The following ASPM variants were observed in gnomAD, a reference collection of about 807,000 sequenced individuals.
ASPM encodes abnormal spindle-like microcephaly-associated protein.
A neutral mutation model predicts 366.4 loss-of-function variants in ASPM; 256 were observed. That is an observed-to-expected ratio of 0.70 (90% confidence interval 0.63 to 0.77). The LOEUF is 0.77. ASPM is among the 30% of genes least tolerant of loss of function. The pLI, the probability that ASPM is intolerant of heterozygous loss-of-function variation, is 0.00. For synonymous variants in ASPM, 1,414 were observed against 1,342.9 expected, an observed-to-expected ratio of 1.05 and a Z score of -1.16; for missense variants, 4,146 against 4,090.4, an observed-to-expected ratio of 1.01 and a Z score of -0.37.
intron 4 of ASPM, chr1:197,138,663 AAT>A (rs1658490699): frequency 3.6e-6 from 2 of 552,212 alleles, no homozygotes. Flanking sequence ...TAAGAACTTC[AAT>A]CAGATTTAAA....
At position 197,132,347 on chromosome 1, in the gene ASPM, G is replaced by A. The variant is rs751289232; in HGVS notation, c.2425C>T (p.Arg809Cys). The A allele has an allele frequency of 1.9e-5, 30 of 1,612,860 alleles. No individual in the cohort carries two copies. The Admixed American group carries it at 2.0e-4, about 11-fold the overall frequency. ...AACAGCCAATTCAGGACTTTCTGAC[G>A]TTCTCCTGAAATGCATGTCAAAGGC... ...DRHLWKDVGE[R>C]QKVLNWLLSY... The change falls in exon 7 of 28, where the codon CGT becomes TGT. Residue 809 changes from arginine (R) to cysteine (C), a missense_variant. Arg to Cys is a radical substitution (Grantham distance 180, BLOSUM62 -3). Coordinates refer to ENST00000367409, the MANE Select transcript of ASPM (RefSeq NM_018136.5).
At position 197,124,311 on chromosome 1, in the gene ASPM, T is replaced by C. The variant is rs146858888; in HGVS notation, c.3189A>G (p.Leu1063=). 636 of 1,580,726 alleles carry C rather than the reference T, an allele frequency of 4.0e-4. 4 individuals are homozygous for C. The highest frequency in any genetic ancestry group is 4.1e-4 in the Non-Finnish European group (476 of 1,151,830). The change falls in exon 13 of 28, where the codon TTA becomes TTG. Residue 1063 remains leucine, a synonymous_variant. Coordinates refer to ENST00000367409, the MANE Select transcript of ASPM (RefSeq NM_018136.5). ...FAFQVDISLN[L]DQLKEEIAFL... is the part of the protein sequence containing the mutation. ...AGGCAATTTCTTCCTTTAATTGATC[T>C]AAGTTAAGGGAAATATCCACCTAAA... is the stretch of plus-strand genomic sequence containing the variant.
intron 27 of ASPM, among the ~76,000 whole-genome samples, chr1:197,086,408 T>G (rs912003683): frequency 6.6e-6 from 1 of 152,180 alleles, no homozygotes; most frequent in African/African-American, 2.4e-5. Context: ...AAGGAGAAAT[T>G]TCAAGAATCA....
intron 4 of ASPM, chr1:197,139,405 GC>G: frequency 1.8e-6 from 1 of 561,092 alleles, no homozygotes; most frequent in Non-Finnish European, 3.2e-6. Flanking sequence ...GACCACCCCG[GC>G]CAACACGGTG....
At position 197,084,399 on chromosome 1, in the gene ASPM, T is replaced by C. The variant is rs1346161560; in HGVS notation, c.10359A>G (p.Arg3453=). 1 of 1,611,558 alleles carries C rather than the reference T, an allele frequency of 6.2e-7. No homozygotes were observed. Among genetic ancestry groups the C allele is most frequent in the Admixed American group, 1.7e-5 (1 of 59,932 alleles). The change falls in exon 28 of 28, where the codon AGA becomes AGG. Residue 3453 remains arginine, a synonymous_variant. Transcript: ENST00000367409. ...GATTTGTGATTTCTTCCATGTTATC[T>C]CTTCTCAAAACCCAATCTGGCTTAA... ...SRLKPDWVLR[R]DNMEEITNPL...
In ASPM at chr1:197,121,960, T is replaced by G. The variant is rs587783237; in HGVS notation, c.3825A>C (p.Thr1275=). 5 of 1,611,898 alleles carry G rather than the reference T, an allele frequency of 3.1e-6. No homozygotes were observed. The South Asian group carries it at 3.3e-5, about 11-fold the overall frequency. The change falls in exon 16 of 28, where the codon ACA becomes ACC. Residue 1275 remains threonine (T), a synonymous_variant. Coordinates refer to ENST00000367409, the MANE Select transcript of ASPM (RefSeq NM_018136.5). ...TTTTTAGTTTATATTTTCTCCATGTTGTTTGTATGAGTCGAGCAGCTCTTA... is the reference window on the plus strand; with the variant it reads ...TTTTTAGTTTATATTTTCTCCATGTGGTTTGTATGAGTCGAGCAGCTCTTA... ...KEIRAARLIQ[T]TWRKYKLKTD...
intron 16 of ASPM, 80 bp from the exon 17 acceptor site, chr1:197,118,063 T>A: frequency 7.7e-7 from 1 of 1,295,824 alleles, no homozygotes; most frequent in Non-Finnish European, 1.1e-6. Context: ...AACCATATGT[T>A]AAACACCAAT....
In ASPM at chr1:197,101,670, A is replaced by G. The variant is rs1246876262; in HGVS notation, c.7581T>C (p.Tyr2527=). 1 of 1,612,274 alleles carries G rather than the reference A, an allele frequency of 6.2e-7. No homozygotes were observed. Among genetic ancestry groups the G allele is most frequent in the African/African-American group, 1.3e-5 (1 of 74,932 alleles). Residue 2527 remains tyrosine (Y), a synonymous_variant, in exon 18 of 28, where the codon TAT becomes TAC. Transcript: ENST00000367409. ...YRAAKLQREN[Y]IRQWHSAVVI... is the part of the protein sequence containing the mutation. The stretch of plus-strand genomic sequence containing the variant: ...CCACAGCAGAATGCCATTGTCTGAT[A>G]TAATTTTCTCTTTGTAATTTTGCAG...
Position 197,093,498 on chromosome 1 carries a change from C to T in ASPM, c.9085-237G>A, listed in dbSNP as rs536089009. Among the ~76,000 whole-genome samples, 3 of 151,842 alleles carry T rather than the reference C, an allele frequency of 2.0e-5. No homozygotes were observed. In the East Asian group the frequency reaches 5.8e-4, roughly 29 times the overall value. On this transcript the variant is annotated intron_variant, in intron 20 of 27. Coordinates refer to ENST00000367409, the MANE Select transcript of ASPM (RefSeq NM_018136.5). ...GTCAATAGATACCTGGTGCTCTTTC[C>T]CTCTCATCCTCTTGATACTTTTCAT... is the stretch of plus-strand genomic sequence containing the variant.
intron 23 of ASPM, 112 bp from the exon 24 acceptor site, chr1:197,090,500 C>T: frequency 2.3e-6 from 2 of 884,374 alleles, no homozygotes; most frequent in Non-Finnish European, 3.4e-6. Context: ...GACATGATCA[C>T]ATACATTTCA....
chr1:197,093,690 A>C (rs4915156), intron 20 of ASPM, among the ~76,000 whole-genome samples: 1 of 151,586 alleles, frequency 6.6e-6, no homozygotes, highest in African/African-American at 2.4e-5. Flanking sequence ...TTACGTAACA[A>C]CCTGTGAGAA....
chr1:197,090,091 GA>G lies in ASPM; in HGVS notation c.9830-8del, dbSNP rs748383126. 48 of 1,489,652 alleles carry G rather than the reference GA, an allele frequency of 3.2e-5. No individual in the cohort carries two copies. Among genetic ancestry groups the G allele is most frequent in the African/African-American group, 8.6e-5 (6 of 69,450 alleles). 92.3% of individuals were successfully genotyped at this position (1,489,652 alleles called of 1,614,324 possible). A position where few individuals can be genotyped will look rare whatever the true frequency, so the allele number is the denominator to read the frequency against. On this transcript the variant is annotated splice_polypyrimidine_tract_variant and splice_region_variant and intron_variant, in intron 24 of 27. Coordinates refer to ENST00000367409, the MANE Select transcript of ASPM (RefSeq NM_018136.5). ...GACAATCTAGTAACTACCTCTGAAA[GA>G]AAAAAAAAACACACACACACAGGTA... is the stretch of plus-strand genomic sequence containing the variant.
chr1:197,113,572 A>G (rs1162947905), intron 17 of ASPM, among the ~76,000 whole-genome samples: 6 of 152,168 alleles, frequency 3.9e-5, no homozygotes, highest in Admixed American at 3.9e-4. Context: ...AGTATAACAT[A>G]GGCATACATC....
chr1:197,133,283 GA>G (rs1269826964), intron 6 of ASPM, 66 bp downstream of exon 6: 4 of 1,531,316 alleles, frequency 2.6e-6, no homozygotes, highest in South Asian at 2.6e-5. Context: ...AAAGCCGGGG[GA>G]AAAAAACACA....
At position 197,089,985 on chromosome 1, in the gene ASPM, A is replaced by G. The variant is rs2125087852; in HGVS notation, c.9929T>C (p.Ile3310Thr). ...FVLIRSCNRS[I>T]PCMEVIRYAV... Reference sequence around the variant, plus strand: ...ATATCTGATGACTTCCATACAAGGAATACTGCGATTACAACTTCGGATCAA... The same window carrying G: ...ATATCTGATGACTTCCATACAAGGAGTACTGCGATTACAACTTCGGATCAA... The change falls in exon 25 of 28, where the codon ATT becomes ACT. Residue 3310 changes from isoleucine (I) to threonine (T), a missense_variant. By Grantham distance (89) the Ile-to-Thr change is moderately conservative (BLOSUM62 -1). Transcript: ENST00000367409. The G allele has an allele frequency of 6.2e-7, 1 of 1,613,454 alleles. No homozygotes were observed. Among genetic ancestry groups the G allele is most frequent in the South Asian group, 1.1e-5 (1 of 91,072 alleles).
chr1:197,097,322 C>A (rs1169170230), intron 18 of ASPM, among the ~76,000 whole-genome samples: 2 of 151,704 alleles, frequency 1.3e-5, no homozygotes, highest in Non-Finnish European at 3.0e-5. Context: ...TAATACGCTT[C>A]CCCCTGCACA....
rs751342915 is a variant in ASPM, at chr1:197,139,762, C to T, written c.2026+5G>A. On this transcript the variant is annotated splice_donor_5th_base_variant and intron_variant, in intron 4 of 27. Transcript: ENST00000367409. ...TCAGAGAGTTTAAGTATAATAAATA[C>T]TTGCCTGTTTTTAATGGTTTTATGA... The T allele has an allele frequency of 2.5e-6, 4 of 1,569,178 alleles. No individual in the cohort carries two copies. The highest frequency in any genetic ancestry group is 2.2e-5 in the South Asian group (2 of 90,258).
intron 4 of ASPM, chr1:197,138,677 G>C: frequency 1.7e-6 from 1 of 593,756 alleles, no homozygotes; most frequent in Non-Finnish European, 3.0e-6. Context: ...AGATTTAAAT[G>C]CTACAAATAC....
At chr1:197,085,834 CTG>C (rs1656572959) in intron 27 of ASPM, among the ~76,000 whole-genome samples, 2 of 152,126 alleles carry the variant, frequency 1.3e-5, no homozygotes, top group South Asian at 4.1e-4. Flanking sequence ...AGTTTCCTAA[CTG>C]TATACATTTG....
Sources: allele counts gnomAD v4.1 joint callset (sites outside exome capture counted in the v4.1 genomes callset), GRCh38; gene constraint gnomAD v4.1.1; transcripts MANE v1.5; gene names NCBI Gene and HGNC (gene_info 2026-07-23, HGNC 2026-07-21).